The following RPAP3 variants were observed in gnomAD, a reference collection of about 807,000 sequenced individuals.
RPAP3 encodes RNA polymerase II associated protein 3.
RPAP3 carries 58 observed loss-of-function variants against 88.8 expected under a neutral mutation model. The ratio of observed to expected loss-of-function variants is 0.65; its 90% CI spans 0.53 to 0.81. RPAP3 has a LOEUF of 0.81. Among genes scored for constraint, RPAP3 ranks in the 40% least tolerant of loss-of-function variants. RPAP3 has a pLI of 0.00. For missense variants in RPAP3, 751 were observed against 764.3 expected (o/e 0.98, Z 0.20); for synonymous variants, 255 against 259.9 (o/e 0.98, Z 0.18).
rs754789171 is a variant in RPAP3 at position 47,670,240 on chromosome 12, G to A, written c.1393C>T (p.Leu465=). The change falls in exon 13 of 17, where the codon CTA becomes TTA. Residue 465 remains leucine (L), a synonymous_variant. Coordinates refer to ENST00000005386, the MANE Select transcript of RPAP3 (RefSeq NM_024604.3). ...CCTGTGGCTGCTATTACATTTGCTA[G>A]ATTAATAGGATTATTCTCTGGAGCA... ...AAAPENNPIN[L]ANVIAATGTT... 6 of 1,613,048 alleles carry A rather than the reference G, an allele frequency of 3.7e-6. No homozygotes were observed. The highest frequency in any genetic ancestry group is 5.1e-6 in the Non-Finnish European group (6 of 1,179,230).
At chr12:47,687,791 GAAGA>G (rs1241238737) in intron 8 of RPAP3, 81 bp downstream of exon 8, 13 of 1,434,514 alleles carry the variant, frequency 9.1e-6, no homozygotes, top group South Asian at 1.5e-5. Flanking sequence ...TAATATTAGA[GAAGA>G]AAGAAATTAA....
chr12:47,684,435 T>C (rs1939284195), intron 9 of RPAP3, among the ~76,000 whole-genome samples: 1 of 152,210 alleles, frequency 6.6e-6, no homozygotes, highest in African/African-American at 2.4e-5. Flanking sequence ...TTACCTAAAC[T>C]AGGAGTAGTC....
intron 16 of RPAP3, among the ~76,000 whole-genome samples, chr12:47,665,718 G>A (rs1490139610): frequency 6.6e-6 from 1 of 151,896 alleles, no homozygotes; most frequent in Admixed American, 6.5e-5. Context: ...ATGGCTCACT[G>A]CAGCCTCAAC....
chr12:47,695,426 T>A lies in RPAP3; in HGVS notation c.545+850A>T, dbSNP rs527487476. 4.6e-5 allele frequency among the ~76,000 whole-genome samples: 7 copies of A among 152,178 alleles called. 1 individual carries two copies. Among genetic ancestry groups the A allele is most frequent in the African/African-American group, 1.7e-4 (7 of 41,518 alleles). On this transcript the variant is annotated intron_variant, in intron 5 of 16. Coordinates refer to ENST00000005386, the MANE Select transcript of RPAP3 (RefSeq NM_024604.3). The stretch of plus-strand genomic sequence containing the variant: ...ATAAACCTTTTTTAAATCAAAAGGA[T>A]GACAAATATATAATTCAAGATAGTG...
chr12:47,699,267 A>C (rs1939602332), intron 3 of RPAP3: 1 of 152,246 alleles, frequency 6.6e-6, no homozygotes, highest in South Asian at 2.1e-4. Flanking sequence ...CCAGTGTAGA[A>C]AACATCTCTG....
intron 12 of RPAP3, among the ~76,000 whole-genome samples, chr12:47,677,411 A>C (rs1186406101): frequency 6.6e-6 from 1 of 152,168 alleles, no homozygotes; most frequent in Non-Finnish European, 1.5e-5. Flanking sequence ...GGCAAGAGAA[A>C]GAAATAAAGG....
rs1939562648 is a variant in RPAP3, at chr12:47,697,727, CAA to C, written c.295-10_295-9del. ...CTCATCAAGGATACGGTCCTAAAAT[CAA>C]AAGACGGAAAACAGGGGTCATAATT... On this transcript the variant is annotated splice_polypyrimidine_tract_variant and intron_variant, in intron 3 of 16. Transcript: ENST00000005386. The C allele has an allele frequency of 1.9e-6, 3 of 1,576,306 alleles. No homozygotes were observed. The highest frequency in any genetic ancestry group is 3.9e-5 in the Admixed American group (2 of 50,876).
chr12:47,683,860 C>A (rs1183735141), intron 9 of RPAP3, among the ~76,000 whole-genome samples: 1 of 152,162 alleles, frequency 6.6e-6, no homozygotes, highest in African/African-American at 2.4e-5. Context: ...CCCCTAATCA[C>A]CATTAAGTGA....
intron 1 of RPAP3, among the ~76,000 whole-genome samples, chr12:47,705,085 T>C (rs375995113): frequency 6.6e-6 from 1 of 151,986 alleles, no homozygotes; most frequent in African/African-American, 2.4e-5. Flanking sequence ...TTCTTGAGCA[T>C]AGTCTGGGGA....
At chr12:47,669,176 A>C in intron 13 of RPAP3, 74 bp from the exon 14 acceptor site, 1 of 982,238 alleles carries the variant, frequency 1.0e-6, no homozygotes, top group Non-Finnish European at 1.5e-6. Flanking sequence ...ACATCAATAA[A>C]AATTTTTAAA....
intron 12 of RPAP3, among the ~76,000 whole-genome samples, chr12:47,675,838 A>G (rs1455710752): frequency 6.6e-6 from 1 of 152,240 alleles, no homozygotes; most frequent in Non-Finnish European, 1.5e-5. Context: ...CAGATCAACG[A>G]GACAGAAGGT....
intron 12 of RPAP3, among the ~76,000 whole-genome samples, chr12:47,670,708 C>T (rs1938980722): frequency 6.6e-6 from 1 of 152,148 alleles, no homozygotes; most frequent in Non-Finnish European, 1.5e-5. Flanking sequence ...GGGTGCAGCA[C>T]AGTCAGTGGA....
intron 3 of RPAP3, among the ~76,000 whole-genome samples, chr12:47,700,859 G>A (rs1025826444): frequency 6.6e-6 from 1 of 152,172 alleles, no homozygotes; most frequent in Non-Finnish European, 1.5e-5. Flanking sequence ...CATTTCTACA[G>A]GTCCTTCAGT....
intron 10 of RPAP3, 71 bp from the exon 11 acceptor site, chr12:47,679,845 A>G (rs1309082053): frequency 2.8e-6 from 3 of 1,061,574 alleles, no homozygotes; most frequent in South Asian, 1.4e-5. Flanking sequence ...ATGTATATTC[A>G]TGATATATTC....
chr12:47,665,528 T>C (rs1848605680), intron 16 of RPAP3, among the ~76,000 whole-genome samples: 1 of 151,436 alleles, frequency 6.6e-6, no homozygotes, highest in Admixed American at 6.6e-5. Flanking sequence ...GTAACATTTT[T>C]CAGGGATTTC....
intron 9 of RPAP3, among the ~76,000 whole-genome samples, chr12:47,683,393 C>T (rs762265745): frequency 6.6e-6 from 1 of 152,150 alleles, no homozygotes; most frequent in Non-Finnish European, 1.5e-5. Flanking sequence ...CATTTTAGCA[C>T]AATAAATATT....
intron 13 of RPAP3, among the ~76,000 whole-genome samples, chr12:47,669,480 A>T (rs918517506): frequency 1.2e-4 from 19 of 152,288 alleles, no homozygotes; most frequent in African/African-American, 4.6e-4. Context: ...CTTCCAAAAA[A>T]AACTGCCTAT....
intron 9 of RPAP3, 54 bp downstream of exon 9, chr12:47,686,726 C>T: frequency 1.5e-6 from 2 of 1,333,658 alleles, no homozygotes; most frequent in Non-Finnish European, 9.8e-7. Flanking sequence ...AAAAATTTAC[C>T]AATTTATTGT....
At chr12:47,674,934 A>G (rs1458877289) in intron 12 of RPAP3, among the ~76,000 whole-genome samples, 1 of 152,198 alleles carries the variant, frequency 6.6e-6, no homozygotes, top group African/African-American at 2.4e-5. Context: ...CAACCCCAAG[A>G]CACAAAATTG....
Sources: gnomAD v4.1 joint callset for allele counts (sites outside exome capture counted in the v4.1 genomes callset) on GRCh38, gnomAD v4.1.1 for gene constraint, MANE v1.5 for transcripts, NCBI Gene and HGNC (gene_info 2026-07-23, HGNC 2026-07-21) for gene names.